Variants in MEF2A observed in about 807,000 individuals in gnomAD.
The protein encoded by MEF2A is myocyte enhancer factor 2A, also known as myocyte-specific enhancer factor 2A.
Under a neutral mutation model 55.8 loss-of-function variants are expected in MEF2A, and 28 were observed. The observed-to-expected ratio is 0.50, with a 90% CI of 0.37 to 0.69. The LOEUF (loss-of-function observed/expected upper bound fraction) is 0.69. MEF2A is among the 30% of genes least tolerant of loss of function. MEF2A has a pLI of 0.00. For synonymous variants in MEF2A, 239 were observed against 227.1 expected (o/e 1.05, Z -0.47); for missense variants, 528 against 626.2 (o/e 0.84, Z 1.67).
intron 3 of MEF2A, among the ~76,000 whole-genome samples, chr15:99,637,658 T>C (rs2044117166): frequency 6.6e-6 from 1 of 151,996 alleles, no homozygotes; most frequent in African/African-American, 2.4e-5. Context: ...TTTTTTTCTG[T>C]GTAAGACGGA....
chr15:99,603,369 T>TA (rs1329919738), intron 2 of MEF2A, among the ~76,000 whole-genome samples: 2 of 146,254 alleles, frequency 1.4e-5, no homozygotes, highest in African/African-American at 5.2e-5. Flanking sequence ...TCTGTGTTAG[T>TA]AAAATTTTTT....
intron 1 of MEF2A, among the ~76,000 whole-genome samples, chr15:99,590,632 CTTGG>C (rs1462437666): frequency 6.6e-6 from 1 of 151,210 alleles, no homozygotes; most frequent in East Asian, 1.9e-4. Flanking sequence ...AATCTACTTT[CTTGG>C]TTGATTAGTT....
At chr15:99,599,625 A>G (rs927190492) in intron 2 of MEF2A, among the ~76,000 whole-genome samples, 1 of 152,172 alleles carries the variant, frequency 6.6e-6, no homozygotes, top group Admixed American at 6.5e-5. Flanking sequence ...TTAGGAGACT[A>G]GGAGAAAAAG....
At chr15:99,697,839 A>G (rs982238555) in intron 8 of MEF2A, among the ~76,000 whole-genome samples, 5 of 152,344 alleles carry the variant, frequency 3.3e-5, no homozygotes, top group South Asian at 2.1e-4. Context: ...CTACAAAGCT[A>G]TAGTAATCCA....
intron 3 of MEF2A, among the ~76,000 whole-genome samples, chr15:99,639,326 T>C (rs998473864): frequency 6.6e-5 from 10 of 152,212 alleles, no homozygotes; most frequent in Admixed American, 1.3e-4. Context: ...ACAGGTATTA[T>C]TTAATATTGT....
At chr15:99,583,344 T>C (rs936882464) in intron 1 of MEF2A, among the ~76,000 whole-genome samples, 20 of 152,192 alleles carry the variant, frequency 1.3e-4, no homozygotes, top group African/African-American at 4.6e-4. Flanking sequence ...CCAAACTTTT[T>C]CTACATTCTG....
Position 99,656,271 on chromosome 15 carries a change from C to G in MEF2A, c.258+10507C>G, listed in dbSNP as rs143674982. ...CTTATCTCCCCATCCTCCACATCTA[C>G]TAACATATATTACTTCCAGCCTTTA... On this transcript the variant is annotated intron_variant, in intron 4 of 11. Transcript: ENST00000557942. 2.6e-5 allele frequency among the ~76,000 whole-genome samples: 4 copies of G among 152,212 alleles called. 1 individual carries two copies. The East Asian group carries it at 5.8e-4, about 22-fold the overall frequency.
intron 4 of MEF2A, among the ~76,000 whole-genome samples, chr15:99,664,995 G>A (rs1168626697): frequency 6.6e-6 from 1 of 152,178 alleles, no homozygotes; most frequent in African/African-American, 2.4e-5. Flanking sequence ...AAAGAATGCA[G>A]AAGTAAATTT....
intron 2 of MEF2A, among the ~76,000 whole-genome samples, chr15:99,614,282 G>C (rs1461379169): frequency 1.3e-5 from 2 of 152,050 alleles, no homozygotes; most frequent in African/African-American, 4.8e-5. Flanking sequence ...TGGAGATGAG[G>C]TCTCACTATG....
Position 99,570,402 on chromosome 15 carries a change from AC to A in MEF2A, c.-225+4299del, listed in dbSNP as rs556144740. ...GAAAACATGAAAACATAAAAAGGAA[AC>A]AAAGCAAAAACAAAACAAAAACCTT... On this transcript the variant is annotated intron_variant, in intron 1 of 11. Transcript: ENST00000557942. Among the ~76,000 whole-genome samples the A allele has an allele frequency of 2.9e-3, 446 of 152,338 alleles. 2 individuals carry two copies. Among genetic ancestry groups the A allele is most frequent in the Non-Finnish European group, 5.3e-3 (362 of 68,032 alleles).
In MEF2A at chr15:99,712,687, A is replaced by G. The variant is rs34851361; in HGVS notation, c.1434A>G (p.Pro478=). ...ATCCACGGGGCGACTTCCATTCTCC[A>G]ATTGTGCTTGGCCGACCCCCAAACA... ...REDPRGDFHS[P]IVLGRPPNTE... is the part of the protein sequence containing the mutation. The change falls in exon 12 of 12, where the codon CCA becomes CCG. Residue 478 remains proline, a synonymous_variant. Transcript: ENST00000557942. The surrounding 1 kb of genome is among the most constrained non-coding windows in gnomAD (Gnocchi z 4.1). 131,542 of 1,561,912 alleles carry G rather than the reference A, an allele frequency of 0.084. 6,251 individuals carry two copies. The highest frequency in any genetic ancestry group is 0.098 in the Non-Finnish European group (113,489 of 1,152,928).
intron 2 of MEF2A, among the ~76,000 whole-genome samples, chr15:99,626,651 G>T (rs2042097920): frequency 6.6e-6 from 1 of 151,994 alleles, no homozygotes; most frequent in Non-Finnish European, 1.5e-5. Flanking sequence ...TTTAGAATCA[G>T]CTTATCAATT....
chr15:99,610,757 T>C (rs1333252628), intron 2 of MEF2A, among the ~76,000 whole-genome samples: 1 of 152,222 alleles, frequency 6.6e-6, no homozygotes, highest in Non-Finnish European at 1.5e-5. Context: ...CCTCTAACAC[T>C]ATATACAAGA....
chr15:99,705,795 C>A (rs2057967898), intron 9 of MEF2A, among the ~76,000 whole-genome samples: 1 of 152,118 alleles, frequency 6.6e-6, no homozygotes, highest in African/African-American at 2.4e-5. Context: ...CTCAGACCCC[C>A]GAATGTCAGT....
At chr15:99,687,754 AT>A (rs2054572126) in intron 7 of MEF2A, among the ~76,000 whole-genome samples, 1 of 152,154 alleles carries the variant, frequency 6.6e-6, no homozygotes, top group Non-Finnish European at 1.5e-5. Context: ...TGTGAGTATA[AT>A]TTTGGTATAT....
At position 99,608,536 on chromosome 15, in the gene MEF2A, T is replaced by A. The variant is rs143591883; in HGVS notation, c.-143+10025T>A. The stretch of plus-strand genomic sequence containing the variant: ...GATTTTTAGATGATTTCTCCCCTCC[T>A]CCCATCCTGTTTTTGTTTTGGTGTA... On this transcript the variant is annotated intron_variant, in intron 2 of 11. Transcript: ENST00000557942. Among the ~76,000 whole-genome samples, 615 of 152,288 alleles carry A rather than the reference T, an allele frequency of 4.0e-3. 1 individual carries two copies. Among genetic ancestry groups the A allele is most frequent in the Non-Finnish European group, 7.2e-3 (492 of 68,006 alleles).
chr15:99,620,683 C>T (rs1295906811), intron 2 of MEF2A, among the ~76,000 whole-genome samples: 3 of 151,968 alleles, frequency 2.0e-5, no homozygotes, highest in Non-Finnish European at 4.4e-5. Flanking sequence ...GTTTATTTTC[C>T]TTTGGGTATA....
At chr15:99,620,022 G>A (rs2040865167) in intron 2 of MEF2A, among the ~76,000 whole-genome samples, 1 of 152,206 alleles carries the variant, frequency 6.6e-6, no homozygotes, top group Non-Finnish European at 1.5e-5. Context: ...AACCTTAAAA[G>A]CATCCATTAG....
chr15:99,639,763 TTCTG>T (rs1379553191), intron 3 of MEF2A, among the ~76,000 whole-genome samples: 2 of 152,224 alleles, frequency 1.3e-5, no homozygotes, highest in South Asian at 2.1e-4. Context: ...TTTCTATTTT[TTCTG>T]TCTTTGTCCC....
Sources: allele counts gnomAD v4.1 joint callset (sites outside exome capture counted in the v4.1 genomes callset), GRCh38; gene constraint gnomAD v4.1.1; non-coding constraint Gnocchi (gnomAD v3.1); transcripts MANE v1.5; gene names NCBI Gene and HGNC (gene_info 2026-07-23, HGNC 2026-07-21).